RGS9: variants seen among roughly 807,000 people sequenced by gnomAD.
RGS9 encodes the protein regulator of G-protein signalling 9.
Under a neutral mutation model 102.0 loss-of-function variants are expected in RGS9, and 78 were observed. That is an observed-to-expected ratio of 0.76 (90% CI 0.64 to 0.92). The LOEUF is 0.92. Among genes scored for constraint, RGS9 ranks in the 40% least tolerant of loss-of-function variants. RGS9 has a pLI of 0.00. For missense variants in RGS9, 833 were observed against 866.1 expected, an observed-to-expected ratio of 0.96 and a Z score of 0.48; for synonymous variants, 353 against 318.6, an observed-to-expected ratio of 1.11 and a Z score of -1.15.
intron 18 of RGS9, 68 bp from the exon 19 acceptor site, chr17:65,227,207 T>C (rs1905727255): frequency 1.2e-6 from 2 of 1,604,902 alleles, no homozygotes; most frequent in Admixed American, 1.7e-5. Context: ...GATGTCAGGA[T>C]GATTTGGGGA....
At chr17:65,198,986 TC>T (rs370887936) in intron 13 of RGS9, among the ~76,000 whole-genome samples, 4 of 151,910 alleles carry the variant, frequency 2.6e-5, no homozygotes, top group South Asian at 2.1e-4. Context: ...ATTTATTATC[TC>T]CCCCCCACTA....
intron 2 of RGS9, among the ~76,000 whole-genome samples, chr17:65,155,461 G>T (rs1330179425): frequency 6.6e-6 from 1 of 152,166 alleles, no homozygotes; most frequent in Non-Finnish European, 1.5e-5. Flanking sequence ...GAGAGTGAAG[G>T]ATTAAATCCT....
chr17:65,208,869 C>A (rs539031565), intron 16 of RGS9, among the ~76,000 whole-genome samples: 33 of 152,220 alleles, frequency 2.2e-4, no homozygotes, highest in Admixed American at 2.0e-3. Flanking sequence ...ACAAAAAAAA[C>A]CAACTTGGCT....
At chr17:65,166,849 A>G (rs1911203909) in intron 7 of RGS9, among the ~76,000 whole-genome samples, 2 of 152,190 alleles carry the variant, frequency 1.3e-5, no homozygotes, top group Admixed American at 6.5e-5. Context: ...GTTTGAAAAC[A>G]ATGTTTATAT....
intron 8 of RGS9, among the ~76,000 whole-genome samples, chr17:65,176,365 T>C (rs942027002): frequency 2.6e-5 from 4 of 152,216 alleles, no homozygotes; most frequent in Non-Finnish European, 5.9e-5. Context: ...CACCCTATCT[T>C]GTTAAATCTT....
intron 7 of RGS9, 93 bp downstream of exon 7, chr17:65,163,182 A>ATT (rs368025174): frequency 8.2e-5 from 48 of 586,474 alleles, no homozygotes; most frequent in Middle Eastern, 9.7e-4. Flanking sequence ...TTTTATTTTT[A>ATT]TTTTTTTTTT....
intron 8 of RGS9, among the ~76,000 whole-genome samples, chr17:65,175,290 T>C (rs1911584489): frequency 6.6e-6 from 1 of 152,042 alleles, no homozygotes; most frequent in Admixed American, 6.6e-5. Context: ...AGTGTGAGTG[T>C]GAGAGTGTGT....
chr17:65,213,507 G>T (rs1330241117), intron 17 of RGS9, among the ~76,000 whole-genome samples: 2 of 150,478 alleles, frequency 1.3e-5, no homozygotes, highest in African/African-American at 5.0e-5. Context: ...TGGTGGTGAG[G>T]GTGGTGGTGA....
In RGS9 at chr17:65,158,315, A is replaced by C; in HGVS notation, c.175A>C (p.Ile59Leu). 1 of 1,614,146 alleles carries C rather than the reference A, an allele frequency of 6.2e-7. No homozygotes were observed. Among genetic ancestry groups the C allele is most frequent in the Non-Finnish European group, 8.5e-7 (1 of 1,180,018 alleles). ...AMTGSDVLQW[I>L]VQRLWISSLE... ...TTCAGGAAGTGATGTTCTGCAATGG[A>C]TCGTCCAGCGGCTTTGGATCTCCAG... The change falls in exon 3 of 19, where the codon ATC becomes CTC. Residue 59 changes from isoleucine to leucine, a missense_variant. Transcript: ENST00000262406.
chr17:65,205,109 T>TA (rs202024505), intron 15 of RGS9, among the ~76,000 whole-genome samples: 1 of 151,322 alleles, frequency 6.6e-6, no homozygotes, highest in South Asian at 2.1e-4. Context: ...GGTGGGAATT[T>TA]AAAAAAAAAT....
chr17:65,156,088 A>C (rs113699815), intron 2 of RGS9, among the ~76,000 whole-genome samples: 8,503 of 152,242 alleles, frequency 0.056, 293 homozygotes, highest in Middle Eastern at 0.12. Flanking sequence ...CAGTGGCACT[A>C]TCTTGGCTCA....
intron 9 of RGS9, among the ~76,000 whole-genome samples, chr17:65,182,534 T>C (rs765844495): frequency 1.3e-5 from 2 of 152,266 alleles, no homozygotes; most frequent in African/African-American, 2.4e-5. Flanking sequence ...CCACTCCACA[T>C]CCTGCCTGAT....
intron 1 of RGS9, among the ~76,000 whole-genome samples, chr17:65,144,600 G>C (rs924736430): frequency 6.6e-6 from 1 of 152,204 alleles, no homozygotes; most frequent in African/African-American, 2.4e-5. Context: ...GGAGGAGCTG[G>C]GAAGCAGAGT....
intron 8 of RGS9, 46 bp downstream of exon 8, chr17:65,168,327 C>A: frequency 7.6e-7 from 1 of 1,317,640 alleles, no homozygotes; most frequent in Non-Finnish European, 1.1e-6. Flanking sequence ...CCTGTGCCTC[C>A]CACCTCCATC....
chr17:65,217,043 G>C (rs993333963), intron 17 of RGS9, among the ~76,000 whole-genome samples: 1 of 152,178 alleles, frequency 6.6e-6, no homozygotes, highest in African/African-American at 2.4e-5. Flanking sequence ...AAAGGTGTAA[G>C]AGGAGAGAGA....
chr17:65,163,983 C>T (rs1339869868), intron 7 of RGS9, among the ~76,000 whole-genome samples: 1 of 152,196 alleles, frequency 6.6e-6, no homozygotes, highest in Non-Finnish European at 1.5e-5. Context: ...TAGAACCACG[C>T]CTCGTTCACT....
At chr17:65,193,027 G>C (rs1912433896) in intron 11 of RGS9, among the ~76,000 whole-genome samples, 1 of 151,672 alleles carries the variant, frequency 6.6e-6, no homozygotes, top group South Asian at 2.1e-4. Context: ...CACTTCGGGA[G>C]ACTGAGGTGG....
chr17:65,213,164 G>A (rs1387839285), intron 17 of RGS9, among the ~76,000 whole-genome samples: 1 of 104,198 alleles, frequency 9.6e-6, no homozygotes, highest in African/African-American at 7.8e-5. Flanking sequence ...CTGGGAACCC[G>A]GGCTGGGGCA....
In RGS9 at chr17:65,163,082, C is replaced by T; in HGVS notation, c.493C>T (p.Gln165Ter). The change falls in exon 7 of 19, where the codon CAG becomes TAG. Residue 165 changes from glutamine to a stop codon, truncating the protein, a stop_gained. Transcript: ENST00000262406. LOFTEE classifies it high-confidence loss of function. Reference protein sequence around the residue: ...WDFVIMQAKEQYRAGKERNKA... With the variant: ...WDFVIMQAKE ...CTTTGTCATTATGCAGGCCAAAGAG[C>T]AGTACAGGTGAGTGAAAGGAGACCA... 2 of 1,590,536 alleles carry T rather than the reference C, an allele frequency of 1.3e-6. No homozygotes were observed. The highest frequency in any genetic ancestry group is 1.1e-5 in the South Asian group (1 of 90,528).
Sources: allele counts gnomAD v4.1 joint callset (sites outside exome capture counted in the v4.1 genomes callset), GRCh38; gene constraint gnomAD v4.1.1; transcripts MANE v1.5; gene names NCBI Gene and HGNC (gene_info 2026-07-23, HGNC 2026-07-21).